AIG1: variants seen among roughly 807,000 people sequenced by gnomAD.
AIG1 encodes the protein androgen-induced gene 1 protein.
Under a neutral mutation model 31.4 loss-of-function variants are expected in AIG1, and 23 were observed. The ratio of observed to expected loss-of-function variants is 0.73; its 90% CI spans 0.53 to 1.04. The LOEUF (loss-of-function observed/expected upper bound fraction) is 1.04, where lower values mean the gene tolerates loss of function less well. Ranked by LOEUF, AIG1 falls within the 50% of genes least tolerant of loss-of-function variation. The probability of loss-of-function intolerance (pLI) is 0.00; values close to 1 mark genes in which losing one functional copy is unlikely to be tolerated. For missense variants in AIG1, 274 were observed against 295.0 expected (o/e 0.93, Z 0.52); for synonymous variants, 100 against 110.5 (o/e 0.90, Z 0.60).
intron 1 of AIG1, among the ~76,000 whole-genome samples, chr6:143,082,772 C>T (rs73777870): frequency 0.11 from 16,452 of 152,036 alleles, 2,817 homozygotes; most frequent in African/African-American, 0.37. Context: ...GCTGGTCCTT[C>T]GGACCTGTGT....
chr6:143,341,112 C>T (rs1777841354), downstream of AIG1, among the ~76,000 whole-genome samples: 1 of 152,158 alleles, frequency 6.6e-6, no homozygotes, highest in Admixed American at 6.5e-5. Flanking sequence ...CTATATGCCC[C>T]CCATTTCTGA....
At chr6:143,170,087 TA>T (rs1787344227) in intron 3 of AIG1, among the ~76,000 whole-genome samples, 1 of 152,142 alleles carries the variant, frequency 6.6e-6, no homozygotes, top group African/African-American at 2.4e-5. Context: ...GGCATCATGG[TA>T]ATGCTGGCAT....
At chr6:143,251,177 T>G (rs1172923308) in intron 3 of AIG1, among the ~76,000 whole-genome samples, 1 of 152,076 alleles carries the variant, frequency 6.6e-6, no homozygotes, top group Admixed American at 6.6e-5. Flanking sequence ...CTCAGCCTCC[T>G]GAGAAGCTGG....
chr6:143,090,936 A>G (rs1048283422), intron 1 of AIG1, among the ~76,000 whole-genome samples: 3 of 151,418 alleles, frequency 2.0e-5, no homozygotes, highest in Non-Finnish European at 2.9e-5. Context: ...TTCTTTCACA[A>G]TTGTTGTCAA....
At chr6:143,289,978 T>C (rs535097036) in intron 4 of AIG1, among the ~76,000 whole-genome samples, 1 of 152,334 alleles carries the variant, frequency 6.6e-6, no homozygotes, top group South Asian at 2.1e-4. Context: ...TTTTTCTCTA[T>C]TCAACTTGAA....
At chr6:143,117,419 G>C (rs1242165390) in intron 1 of AIG1, among the ~76,000 whole-genome samples, 1 of 152,156 alleles carries the variant, frequency 6.6e-6, no homozygotes, top group Non-Finnish European at 1.5e-5. Flanking sequence ...GATTATGGAG[G>C]TTATTTTTAA....
At chr6:143,218,103 G>A (rs915802297) in intron 3 of AIG1, among the ~76,000 whole-genome samples, 1 of 152,174 alleles carries the variant, frequency 6.6e-6, no homozygotes, top group African/African-American at 2.4e-5. Context: ...CTTGTCTTTT[G>A]CAACCTAAAT....
At chr6:143,086,956 T>C (rs1001739110) in intron 1 of AIG1, among the ~76,000 whole-genome samples, 3 of 151,970 alleles carry the variant, frequency 2.0e-5, no homozygotes, top group African/African-American at 7.3e-5. Flanking sequence ...CCCAGAAAAA[T>C]TGTGAAAGCG....
Position 143,071,682 on chromosome 6 carries a change from T to C in AIG1, c.141+10616T>C, listed in dbSNP as rs144213047. On this transcript the variant is annotated intron_variant, in intron 1 of 5. Transcript: ENST00000357847. ...GTGGTGGTGGTGGTAGTGGTGGTTC[T>C]TTTTTTGTTGTTGTTGTTGTTGTTC... Among the ~76,000 whole-genome samples the C allele has an allele frequency of 2.6e-3, 386 of 148,520 alleles. 3 individuals are homozygous for C. Among genetic ancestry groups the C allele is most frequent in the East Asian group, 0.019 (89 of 4,578 alleles).
chr6:143,085,753 C>T (rs1400820888), intron 1 of AIG1, among the ~76,000 whole-genome samples: 1 of 152,218 alleles, frequency 6.6e-6, no homozygotes, highest in East Asian at 1.9e-4. Context: ...AACTCTGCTT[C>T]CACAAGAGTC....
chr6:143,125,411 A>G (rs1489757633), intron 1 of AIG1, among the ~76,000 whole-genome samples: 3 of 152,242 alleles, frequency 2.0e-5, no homozygotes, highest in Admixed American at 6.5e-5. Flanking sequence ...TGCTTTGTAC[A>G]TAGCAATCAA....
intron 3 of AIG1, chr6:143,187,714 T>C: frequency 6.5e-7 from 1 of 1,536,014 alleles, no homozygotes; most frequent in Non-Finnish European, 8.7e-7. Context: ...GAAAGCTTGC[T>C]CCAGCAATGA....
At chr6:143,300,792 T>G (rs1562570454) in intron 4 of AIG1, among the ~76,000 whole-genome samples, 1 of 152,182 alleles carries the variant, frequency 6.6e-6, no homozygotes, top group Non-Finnish European at 1.5e-5. Context: ...TTTTTTAAAT[T>G]GTATACTGTA....
rs1350872944 is a variant in AIG1, at chr6:143,293,606, T to C, written c.515+9381T>C. Among the ~76,000 whole-genome samples, 2 of 152,220 alleles carry C rather than the reference T, an allele frequency of 1.3e-5. No homozygotes were observed. Among genetic ancestry groups the C allele is most frequent in the East Asian group, 3.8e-4 (2 of 5,202 alleles). Reference sequence around the variant, plus strand: ...TGCATCTGGACAGAAAAGGCTTGTGTATATAATCTGTCTCAATCCCCAGTA... The same window carrying C: ...TGCATCTGGACAGAAAAGGCTTGTGCATATAATCTGTCTCAATCCCCAGTA... On this transcript the variant is annotated intron_variant, in intron 4 of 5. Transcript: ENST00000357847. The surrounding 1 kb of genome is among the most constrained non-coding windows in gnomAD (Gnocchi z 4.8).
At chr6:143,246,648 T>C (rs976903821) in intron 3 of AIG1, among the ~76,000 whole-genome samples, 1 of 152,218 alleles carries the variant, frequency 6.6e-6, no homozygotes. Flanking sequence ...TGTTTGTGTG[T>C]GGAGTTCATA....
intron 3 of AIG1, among the ~76,000 whole-genome samples, chr6:143,171,469 A>G (rs1305613845): frequency 3.4e-5 from 4 of 119,248 alleles, no homozygotes; most frequent in Admixed American, 2.0e-4. Flanking sequence ...TATATATTTA[A>G]TATATATAAT....
intron 2 of AIG1, among the ~76,000 whole-genome samples, chr6:143,141,371 T>C (rs1207237475): frequency 1.3e-5 from 2 of 152,230 alleles, no homozygotes; most frequent in South Asian, 2.1e-4. Flanking sequence ...TATGTGAGCA[T>C]GAAGCCCTAA....
In AIG1 at chr6:143,340,998, C is replaced by T. The variant is rs954318924; in HGVS notation, c.*1322C>T. Among the ~76,000 whole-genome samples the T allele has an allele frequency of 6.6e-6, 1 of 151,972 alleles. No homozygotes were observed. Among genetic ancestry groups the T allele is most frequent in the East Asian group, 1.9e-4 (1 of 5,194 alleles). On this transcript the variant is annotated 3_prime_UTR_variant, in exon 6 of 6. Transcript: ENST00000357847. ...TTTTAATTTGAAAAAAATTTAAACT[C>T]AAAAAGTTAATTTAAAATTAGTTAC...
chr6:143,222,017 C>T (rs1252923883), intron 3 of AIG1, among the ~76,000 whole-genome samples: 4 of 152,146 alleles, frequency 2.6e-5, no homozygotes, highest in African/African-American at 4.8e-5. Flanking sequence ...TAATAGGCTG[C>T]GAACACCCCA....
Sources: allele counts gnomAD v4.1 joint callset (sites outside exome capture counted in the v4.1 genomes callset), GRCh38; gene constraint gnomAD v4.1.1; non-coding constraint Gnocchi (gnomAD v3.1); transcripts MANE v1.5; gene names NCBI Gene and HGNC (gene_info 2026-07-23, HGNC 2026-07-21).